ORC3: variants seen among roughly 807,000 people sequenced by gnomAD.
The protein encoded by ORC3 is origin recognition complex subunit 3.
A neutral mutation model predicts 100.7 loss-of-function variants in ORC3; 78 were observed. The observed-to-expected ratio is 0.77, with a 90% confidence interval of 0.65 to 0.94. The LOEUF is 0.94. Ranked by LOEUF, ORC3 falls within the 40% of genes least tolerant of loss-of-function variation. The pLI, the probability that ORC3 is intolerant of heterozygous loss-of-function variation, is 0.00. For synonymous variants in ORC3, 295 were observed against 289.3 expected (o/e 1.02, Z -0.20); for missense variants, 789 against 823.9 (o/e 0.96, Z 0.52).
chr6:87,660,539 A>C (rs1353645238), intron 16 of ORC3, among the ~76,000 whole-genome samples: 1 of 152,242 alleles, frequency 6.6e-6, no homozygotes, highest in Admixed American at 6.5e-5. Context: ...GACAAATATA[A>C]GCAGGAGACT....
At chr6:87,675,302 A>C in the ORC3 span, 1 of 443,712 alleles carries the variant, frequency 2.3e-6, no homozygotes, top group Admixed American at 3.7e-5. Context: ...GGCATGTTCT[A>C]GAATACCAGC....
At chr6:87,676,258 A>T in the ORC3 span, among the ~76,000 whole-genome samples, 2 of 151,008 alleles carry the variant, frequency 1.3e-5, no homozygotes, top group Non-Finnish European at 2.9e-5. Context: ...AGGTCAGAAG[A>T]TCGAGACCAT....
At chr6:87,667,895 T>TC (rs1488528425), downstream of ORC3, among the ~76,000 whole-genome samples, 1 of 151,822 alleles carries the variant, frequency 6.6e-6, no homozygotes, top group Non-Finnish European at 1.5e-5. Flanking sequence ...GCCACTGCAC[T>TC]CCAGCCTGGG....
intron 13 of ORC3, among the ~76,000 whole-genome samples, chr6:87,641,331 A>G (rs554871504): frequency 6.6e-5 from 10 of 152,212 alleles, no homozygotes; most frequent in Non-Finnish European, 1.5e-4. Flanking sequence ...AAGGCCAGAA[A>G]CATTGACTTT....
intron 8 of ORC3, among the ~76,000 whole-genome samples, chr6:87,615,636 AG>A (rs1216793969): frequency 6.6e-6 from 1 of 152,212 alleles, no homozygotes; most frequent in Non-Finnish European, 1.5e-5. Flanking sequence ...TCAAGGCTAC[AG>A]TGAGCTATGA....
rs28381465 is a variant in ORC3, at chr6:87,593,651, G to C, written c.25-702G>C. ...GATACTTCGAGTTTAAATAAGTTTC[G>C]GGTTGGGAGAACATCACTATTTTCA... On this transcript the variant is annotated intron_variant, in intron 1 of 19. Transcript: ENST00000392844. Among the ~76,000 whole-genome samples the C allele has an allele frequency of 2.5e-3, 374 of 152,204 alleles. 4 individuals are homozygous for C. The highest frequency in any genetic ancestry group is 3.8e-3 in the Non-Finnish European group (260 of 68,000).
chr6:87,597,754 A>C (rs144619704), intron 2 of ORC3, among the ~76,000 whole-genome samples: 1,570 of 151,796 alleles, frequency 0.01, 32 homozygotes, highest in African/African-American at 0.036. Flanking sequence ...GGATCTTACT[A>C]TGTTGCCCAG....
At position 87,620,860 on chromosome 6, in the gene ORC3, C is replaced by G. The variant is rs28381503; in HGVS notation, c.988-494C>G. ...CTACCAGATAGTACACCATGTTTTC[C>G]TCCATGGGAAAAAAATTAATTTGTA... On this transcript the variant is annotated intron_variant, in intron 9 of 19. Transcript: ENST00000392844. Among the ~76,000 whole-genome samples, 8 of 152,250 alleles carry G rather than the reference C, an allele frequency of 5.3e-5. No individual in the cohort carries two copies. The East Asian group carries it at 1.5e-3, about 29-fold the overall frequency.
At chr6:87,671,110 G>T (rs1347585349), downstream of ORC3, among the ~76,000 whole-genome samples, 2 of 152,120 alleles carry the variant, frequency 1.3e-5, no homozygotes, top group Non-Finnish European at 2.9e-5. Context: ...AGACCTTTGT[G>T]AAGTTTTACT....
the ORC3 span, chr6:87,675,831 G>C: frequency 1.0e-5 from 16 of 1,593,862 alleles, no homozygotes; most frequent in African/African-American, 2.2e-4. Context: ...CTTATTTTCA[G>C]TTTATAACTT....
the ORC3 span, chr6:87,676,053 G>A: frequency 2.7e-6 from 2 of 750,498 alleles, no homozygotes; most frequent in African/African-American, 1.8e-5. Context: ...CATAACCTCA[G>A]TAGTACTAAT....
At chr6:87,626,932 A>ATATATT (rs1779942271) in intron 11 of ORC3, among the ~76,000 whole-genome samples, 1 of 152,084 alleles carries the variant, frequency 6.6e-6, no homozygotes, top group Non-Finnish European at 1.5e-5. Flanking sequence ...ATAACTTGTT[A>ATATATT]TATATTTTTC....
intron 11 of ORC3, among the ~76,000 whole-genome samples, chr6:87,628,714 A>G (rs1780097665): frequency 6.6e-6 from 1 of 152,214 alleles, no homozygotes; most frequent in Non-Finnish European, 1.5e-5. Context: ...ACCGTTTAGT[A>G]TGCTTATCAT....
chr6:87,609,222 AT>A lies in ORC3; in HGVS notation c.707del (p.Ile236ThrfsTer11). 6.3e-7 allele frequency: 1 copy of A among 1,589,676 alleles called. No individual in the cohort carries two copies. Among genetic ancestry groups the A allele is most frequent in the South Asian group, 1.2e-5 (1 of 86,414 alleles). ...ATKVLQDFII[I>X]SSQHLHEFPL... Reference sequence around the variant, plus strand: ...AAAAGTACTACAAGACTTCATAATTATCAGCAGGTAGATGGTGTATTACCTG... The same window carrying A: ...AAAAGTACTACAAGACTTCATAATTACAGCAGGTAGATGGTGTATTACCTG... On this transcript the variant is annotated frameshift_variant, in exon 7 of 20. Coordinates refer to ENST00000392844, the MANE Select transcript of ORC3 (RefSeq NM_012381.4). LOFTEE classifies it high-confidence loss of function.
chr6:87,622,403 C>T (rs1779600080), intron 11 of ORC3, among the ~76,000 whole-genome samples: 1 of 151,940 alleles, frequency 6.6e-6, no homozygotes, highest in South Asian at 2.1e-4. Flanking sequence ...GCAGCTTAGG[C>T]GTCTGCTGCT....
At chr6:87,629,063 G>A (rs1780122612) in intron 11 of ORC3, among the ~76,000 whole-genome samples, 1 of 152,148 alleles carries the variant, frequency 6.6e-6, no homozygotes, top group Non-Finnish European at 1.5e-5. Context: ...TAGCACTCTT[G>A]CCACATAAGT....
intron 9 of ORC3, among the ~76,000 whole-genome samples, chr6:87,617,087 A>T (rs533319541): frequency 6.6e-6 from 1 of 152,100 alleles, no homozygotes; most frequent in South Asian, 2.1e-4. Flanking sequence ...CTGAGCCACT[A>T]CGCCCAGCCC....
At position 87,634,965 on chromosome 6, in the gene ORC3, A is replaced by G; in HGVS notation, c.1302+4A>G. 7.5e-7 allele frequency: 1 copy of G among 1,336,790 alleles called. No homozygotes were observed. The allele number at this position is 1,336,790 out of a possible 1,614,324, so 82.8% of individuals were successfully genotyped here. On this transcript the variant is annotated splice_donor_region_variant and intron_variant, in intron 12 of 19. Coordinates refer to ENST00000392844, the MANE Select transcript of ORC3 (RefSeq NM_012381.4). The stretch of plus-strand genomic sequence containing the variant: ...CAAGTATCCACTAGGTCGACAGGTA[A>G]TCCAAGCCTCCTCATTTGTAATCCA...
At position 87,657,914 on chromosome 6, in the gene ORC3, T is replaced by C; in HGVS notation, c.1594-7T>C. On this transcript the variant is annotated splice_region_variant and splice_polypyrimidine_tract_variant and intron_variant, in intron 15 of 19. Coordinates refer to ENST00000392844, the MANE Select transcript of ORC3 (RefSeq NM_012381.4). Reference sequence around the variant, plus strand: ...TCACCAGAAAAGCTATGTTCTTTTATCTATAGTCCTTATTGGAAATGAAGG... The same window carrying C: ...TCACCAGAAAAGCTATGTTCTTTTACCTATAGTCCTTATTGGAAATGAAGG... 1 of 1,442,192 alleles carries C rather than the reference T, an allele frequency of 6.9e-7. No homozygotes were observed. Among genetic ancestry groups the C allele is most frequent in the Non-Finnish European group, 9.8e-7 (1 of 1,024,220 alleles). The allele number at this position is 1,442,192 out of a possible 1,614,324, so 89.3% of individuals were successfully genotyped here.
Sources: allele counts gnomAD v4.1 joint callset (sites outside exome capture counted in the v4.1 genomes callset), GRCh38; gene constraint gnomAD v4.1.1; transcripts MANE v1.5; gene names NCBI Gene and HGNC (gene_info 2026-07-23, HGNC 2026-07-21).